Variants in GAB2 observed in about 807,000 individuals in gnomAD.
GAB2 encodes GRB2 associated binding protein 2.
A neutral mutation model predicts 65.5 loss-of-function variants in GAB2; 26 were observed. The ratio of observed to expected loss-of-function variants is 0.40; its 90% CI spans 0.29 to 0.55. The LOEUF (loss-of-function observed/expected upper bound fraction) is 0.55. Ranked by LOEUF, GAB2 falls within the 20% of genes least tolerant of loss-of-function variation. GAB2 has a pLI of 0.53. For synonymous variants in GAB2, 321 were observed against 329.6 expected (o/e 0.97, Z 0.28); for missense variants, 884 against 875.8 (o/e 1.01, Z -0.12).
At chr11:78,337,345 G>C (rs1046996683) in intron 1 of GAB2, among the ~76,000 whole-genome samples, 2 of 152,162 alleles carry the variant, frequency 1.3e-5, no homozygotes, top group African/African-American at 4.8e-5. Flanking sequence ...ACTATGCGGG[G>C]GTTTCCTTTT....
In GAB2 at chr11:78,217,211, T is replaced by A. The variant is rs1003880853; in HGVS notation, c.*2061A>T. ...CCTCCATCAGCATTTGAAGTCTCTG[T>A]CTGATGGCCATCACCACTGTCTCAT... is the stretch of plus-strand genomic sequence containing the variant. On this transcript the variant is annotated 3_prime_UTR_variant, in exon 10 of 10. Transcript: ENST00000361507. 1 of 152,412 alleles carries A rather than the reference T, an allele frequency of 6.6e-6. No individual in the cohort carries two copies. The highest frequency in any genetic ancestry group is 2.4e-5 in the African/African-American group (1 of 41,460). 9.4% of individuals were successfully genotyped at this position (152,412 alleles called of 1,614,324 possible).
rs182967107 is a variant in GAB2, at chr11:78,382,232, C to T, written c.75+35414G>A. Among the ~76,000 whole-genome samples, 141 of 152,156 alleles carry T rather than the reference C, an allele frequency of 9.3e-4. 1 individual carries two copies. Among genetic ancestry groups the T allele is most frequent in the African/African-American group, 3.3e-3 (136 of 41,516 alleles). On this transcript the variant is annotated intron_variant, in intron 1 of 9. Transcript: ENST00000361507. ...AGCATCTCAGTGGCTCTCAGTTAAC[C>T]GTTGATTGATTTCCTTCTACACCTG...
At chr11:78,239,099 A>C (rs1387531194) in intron 3 of GAB2, among the ~76,000 whole-genome samples, 1 of 144,200 alleles carries the variant, frequency 6.9e-6, no homozygotes, top group East Asian at 1.9e-4. Flanking sequence ...TTCTATTAAG[A>C]AAAAAAAAAA....
chr11:78,257,150 C>T (rs1358911299), intron 2 of GAB2, among the ~76,000 whole-genome samples: 1 of 152,144 alleles, frequency 6.6e-6, no homozygotes, highest in Admixed American at 6.5e-5. Context: ...CAGGAAAGCT[C>T]TGAAGGATTT....
intron 1 of GAB2, among the ~76,000 whole-genome samples, chr11:78,331,248 C>CT (rs200423408): frequency 0.027 from 3,900 of 141,916 alleles, 122 homozygotes; most frequent in African/African-American, 0.078. Context: ...ATTCTCCATT[C>CT]TTTTTTTTTT....
chr11:78,402,392 C>G (rs1856984823), intron 1 of GAB2, among the ~76,000 whole-genome samples: 1 of 151,914 alleles, frequency 6.6e-6, no homozygotes, highest in Admixed American at 6.6e-5. Flanking sequence ...AATTACTGAA[C>G]TAAATTATAC....
chr11:78,388,153 G>A (rs1856792162), intron 1 of GAB2: 1 of 151,774 alleles, frequency 6.6e-6, no homozygotes, highest in African/African-American at 2.4e-5. Context: ...AGCCTTCCAA[G>A]TAGCTGGGAC....
chr11:78,229,151 G>A (rs1240305464), intron 3 of GAB2, among the ~76,000 whole-genome samples: 1 of 152,146 alleles, frequency 6.6e-6, no homozygotes, highest in Non-Finnish European at 1.5e-5. Context: ...TGGGGGTGGT[G>A]GTAGACAATG....
intron 1 of GAB2, 37 bp from the exon 2 acceptor site, chr11:78,280,938 G>C (rs112572936): frequency 1.3e-6 from 2 of 1,537,802 alleles, no homozygotes; most frequent in Non-Finnish European, 1.8e-6. Flanking sequence ...AGAGGGGGAA[G>C]AAGTCATTAG....
intron 1 of GAB2, among the ~76,000 whole-genome samples, chr11:78,411,162 G>C (rs10899494): frequency 2.0e-5 from 3 of 148,424 alleles, no homozygotes; most frequent in South Asian, 2.1e-4. Context: ...GGGTGGTTGG[G>C]GGGGGGGATG....
At chr11:78,266,706 G>A (rs996635426) in intron 2 of GAB2, among the ~76,000 whole-genome samples, 1 of 152,186 alleles carries the variant, frequency 6.6e-6, no homozygotes, top group Non-Finnish European at 1.5e-5. Context: ...CTTAGAAGCA[G>A]ACATAGAGGA....
In GAB2 at chr11:78,411,464, C is replaced by G. The variant is rs1857128111; in HGVS notation, c.75+6182G>C. Among the ~76,000 whole-genome samples the G allele has an allele frequency of 2.0e-5, 3 of 152,072 alleles. No individual in the cohort carries two copies. In the South Asian group the frequency reaches 6.2e-4, roughly 32 times the overall value. Reference sequence around the variant, plus strand: ...CCAGATTTCAAGACTTACAATATAGCTAGAGTTGGCAAGATTCTATGGTAT... The same window carrying G: ...CCAGATTTCAAGACTTACAATATAGGTAGAGTTGGCAAGATTCTATGGTAT... On this transcript the variant is annotated intron_variant, in intron 1 of 9. Coordinates refer to ENST00000361507, the MANE Select transcript of GAB2 (RefSeq NM_080491.3).
chr11:78,323,758 A>C (rs917581785), intron 1 of GAB2, among the ~76,000 whole-genome samples: 1 of 150,484 alleles, frequency 6.6e-6, no homozygotes, highest in Non-Finnish European at 1.5e-5. Context: ...ATATCCATGG[A>C]ACAAACCTAC....
intron 1 of GAB2, among the ~76,000 whole-genome samples, chr11:78,387,040 G>GAATC (rs1301337077): frequency 3.3e-5 from 5 of 152,130 alleles, no homozygotes; most frequent in African/African-American, 1.2e-4. Flanking sequence ...ATGAATGAAT[G>GAATC]AATCAATCAA....
At chr11:78,384,499 C>T (rs745335508) in intron 1 of GAB2, among the ~76,000 whole-genome samples, 3 of 152,214 alleles carry the variant, frequency 2.0e-5, no homozygotes, top group Non-Finnish European at 2.9e-5. Flanking sequence ...AGAGCACTTC[C>T]TGACCATCCT....
intron 1 of GAB2, among the ~76,000 whole-genome samples, chr11:78,345,730 G>C (rs1392004018): frequency 6.6e-6 from 1 of 152,156 alleles, no homozygotes; most frequent in African/African-American, 2.4e-5. Context: ...GCAAAAAGGA[G>C]GCAGAGGCCA....
chr11:78,377,843 G>T, intron 1 of GAB2, among the ~76,000 whole-genome samples: 1 of 152,178 alleles, frequency 6.6e-6, no homozygotes, highest in African/African-American at 2.4e-5. Context: ...CACCCTGCCA[G>T]AGATAAGGAG....
At chr11:78,311,728 A>G (rs997039014) in intron 1 of GAB2, among the ~76,000 whole-genome samples, 3 of 152,190 alleles carry the variant, frequency 2.0e-5, no homozygotes, top group African/African-American at 7.2e-5. Context: ...CTTTCCATAA[A>G]TACATAAGAT....
At chr11:78,359,365 A>G (rs1856403290) in intron 1 of GAB2, among the ~76,000 whole-genome samples, 1 of 152,238 alleles carries the variant, frequency 6.6e-6, no homozygotes. Context: ...GAAGAATGGC[A>G]ATTAGACTAT....
Sources: gnomAD v4.1 joint callset for allele counts (sites outside exome capture counted in the v4.1 genomes callset) on GRCh38, gnomAD v4.1.1 for gene constraint, MANE v1.5 for transcripts, NCBI Gene and HGNC (gene_info 2026-07-23, HGNC 2026-07-21) for gene names.